RNF19A: variants seen among roughly 807,000 people sequenced by gnomAD.
RNF19A encodes ring finger protein 19A, RBR E3 ubiquitin protein ligase, also known as E3 ubiquitin-protein ligase RNF19A.
Under a neutral mutation model 75.7 loss-of-function variants are expected in RNF19A, and 32 were observed. The observed-to-expected ratio is 0.42, with a 90% CI of 0.32 to 0.57. The LOEUF is 0.57. RNF19A is among the 20% of genes least tolerant of loss of function. The pLI is 0.10. For synonymous variants in RNF19A, 335 were observed against 345.2 expected (o/e 0.97, Z 0.33); for missense variants, 782 against 1,036.3 (o/e 0.75, Z 3.37).
In RNF19A at chr8:100,290,208, G is replaced by C. The variant is rs1821224384; in HGVS notation, c.-93-1941C>G. Among the ~76,000 whole-genome samples the C allele has an allele frequency of 2.0e-5, 3 of 152,104 alleles. No homozygotes were observed. The South Asian group carries it at 6.2e-4, about 32-fold the overall frequency. On this transcript the variant is annotated intron_variant, in intron 1 of 9. Coordinates refer to ENST00000341084, the MANE Select transcript of RNF19A (RefSeq NM_183419.4). ...CGGCTCACTGCAGCCTCCATCTTTT[G>C]GGTTCAAGCAATTCTCCTGCCTCAG...
At chr8:100,268,536 A>G (rs1040103785) in intron 5 of RNF19A, 9 of 299,562 alleles carry the variant, frequency 3.0e-5, no homozygotes, top group African/African-American at 1.5e-4. Context: ...TCAAAGTTTT[A>G]TAATACAAAC....
In RNF19A at chr8:100,305,082, C is replaced by G. The variant is rs564092200; in HGVS notation, c.-94+4785G>C. On this transcript the variant is annotated intron_variant, in intron 1 of 9. Coordinates refer to ENST00000341084, the MANE Select transcript of RNF19A (RefSeq NM_183419.4). The stretch of plus-strand genomic sequence containing the variant: ...TCCCTAGTAGCTGGCATGACAGGTG[C>G]CTGCCACCAAGCCCAGCAAATTTTT... 7.9e-5 allele frequency among the ~76,000 whole-genome samples: 12 copies of G among 152,234 alleles called. 1 individual carries two copies. In the South Asian group the frequency reaches 2.5e-3, roughly 32 times the overall value.
At position 100,324,336 on chromosome 8, in the gene RNF19A, T is replaced by G. The variant is rs1822501122; in HGVS notation, c.-242-10964A>C. 6.6e-6 allele frequency among the ~76,000 whole-genome samples: 1 copy of G among 152,226 alleles called. No homozygotes were observed. The highest frequency in any genetic ancestry group is 1.5e-5 in the Non-Finnish European group (1 of 68,038). On this transcript the variant is annotated intron_variant, in intron 1 of 3. Transcript: ENST00000519527. This position sits in a 1 kb window ranked among gnomAD's most constrained non-coding sequence, Gnocchi z 4.2. Reference sequence around the variant, plus strand: ...AGTACAATCTGCAGCACAATCAAGTTCAAGAGTTTGGATGACTAAAGTTGA... The same window carrying G: ...AGTACAATCTGCAGCACAATCAAGTGCAAGAGTTTGGATGACTAAAGTTGA...
At position 100,277,463 on chromosome 8, in the gene RNF19A, T is replaced by C. The variant is rs538876755; in HGVS notation, c.675-2302A>G. On this transcript the variant is annotated intron_variant, in intron 2 of 9. Transcript: ENST00000341084. The stretch of plus-strand genomic sequence containing the variant: ...AGTAGCTGGGACTACAGGCGCCCAC[T>C]ACCACGCCCAGCTAATTTTTTTGCA... Among the ~76,000 whole-genome samples the C allele has an allele frequency of 9.2e-5, 14 of 152,136 alleles. 2 individuals are homozygous for C. In the South Asian group the frequency reaches 2.9e-3, roughly 32 times the overall value.
At chr8:100,283,135 G>A (rs960953871) in intron 2 of RNF19A, among the ~76,000 whole-genome samples, 5 of 151,860 alleles carry the variant, frequency 3.3e-5, no homozygotes, top group Non-Finnish European at 7.4e-5. Flanking sequence ...TATAATAAAT[G>A]TTCTTGTATA....
intron 3 of RNF19A, among the ~76,000 whole-genome samples, chr8:100,272,316 A>G (rs1368668195): frequency 1.3e-5 from 2 of 152,138 alleles, no homozygotes; most frequent in Non-Finnish European, 2.9e-5. Flanking sequence ...TTTTATAAAC[A>G]CAAATATTAA....
rs936699014 is a variant in RNF19A, at chr8:100,321,728, T to C, written c.-242-8356A>G. Among the ~76,000 whole-genome samples the C allele has an allele frequency of 2.0e-5, 3 of 152,360 alleles. No individual in the cohort carries two copies. In the East Asian group the frequency reaches 5.8e-4, roughly 29 times the overall value. On this transcript the variant is annotated intron_variant, in intron 1 of 3. Transcript: ENST00000519527. Reference sequence around the variant, plus strand: ...AAATAATAAGACTTGAAAGTTGAAATTACTCTTTCATCCATGGGCTGCAGA... The same window carrying C: ...AAATAATAAGACTTGAAAGTTGAAACTACTCTTTCATCCATGGGCTGCAGA...
chr8:100,274,925 T>C, intron 3 of RNF19A, 28 bp downstream of exon 3: 2 of 1,549,602 alleles, frequency 1.3e-6, no homozygotes, highest in Non-Finnish European at 1.8e-6. Context: ...TGTCAAATAT[T>C]TTATTAGAAA....
intron 1 of RNF19A, among the ~76,000 whole-genome samples, chr8:100,293,237 T>C (rs1821393493): frequency 6.6e-6 from 1 of 152,244 alleles, no homozygotes; most frequent in South Asian, 2.1e-4. Flanking sequence ...TCATCTGGTG[T>C]CATGTATCTT....
intron 1 of RNF19A, among the ~76,000 whole-genome samples, chr8:100,305,843 C>T (rs886588534): frequency 1.3e-5 from 2 of 152,144 alleles, no homozygotes; most frequent in African/African-American, 4.8e-5. Context: ...ATTTAGGATA[C>T]CTTACCATTT....
In RNF19A at chr8:100,258,597, G is replaced by A; in HGVS notation, c.2476C>T (p.Gln826Ter). 1.2e-6 allele frequency: 2 copies of A among 1,613,550 alleles called. No individual in the cohort carries two copies. Among genetic ancestry groups the A allele is most frequent in the African/African-American group, 2.7e-5 (2 of 75,022 alleles). The change falls in exon 10 of 10, where the codon CAG becomes TAG. Residue 826 changes from glutamine to a stop codon, truncating the protein, a stop_gained. Transcript: ENST00000341084. LOFTEE classifies it high-confidence loss of function. The surrounding 1 kb of genome is among the most constrained non-coding windows in gnomAD (Gnocchi z 4.3). ...ATTGCAACTTTTAATTCCATTGTCT[G>A]ATGTGAGTGGTTGTTATTTGTTTCT... The part of the protein sequence containing the change: ...LKETNNNHSH[Q>*]TMELKVAIQT...
intron 1 of RNF19A, among the ~76,000 whole-genome samples, chr8:100,289,023 G>C (rs992547761): frequency 1.4e-5 from 2 of 141,148 alleles, no homozygotes; most frequent in African/African-American, 5.5e-5. Flanking sequence ...TTGCGCCGCT[G>C]CACTCCACCC....
chr8:100,331,580 T>A lies in RNF19A; in HGVS notation c.-243+4528A>T, dbSNP rs544270352. Reference sequence around the variant, plus strand: ...TGAGCCCAGGATGTCAAAGCTGCAGTGAGTCATGACTGTGCCACTGCACTC... The same window carrying A: ...TGAGCCCAGGATGTCAAAGCTGCAGAGAGTCATGACTGTGCCACTGCACTC... On this transcript the variant is annotated intron_variant, in intron 1 of 3. Coordinates refer to the RNF19A transcript ENST00000519527. This position sits in a 1 kb window ranked among gnomAD's most constrained non-coding sequence, Gnocchi z 5.2. 1.2e-4 allele frequency among the ~76,000 whole-genome samples: 18 copies of A among 152,296 alleles called. No homozygotes were observed. The highest frequency in any genetic ancestry group is 5.2e-4 in the Admixed American group (8 of 15,300).
intron 3 of RNF19A, among the ~76,000 whole-genome samples, chr8:100,270,839 G>A (rs183681038): frequency 2.6e-5 from 4 of 152,152 alleles, no homozygotes; most frequent in Admixed American, 2.6e-4. Context: ...ATAATAATAT[G>A]GTTACAATGC....
chr8:100,313,913 A>ATTTTTTTTTTTTTTTTT (rs1822337376), upstream of RNF19A, among the ~76,000 whole-genome samples: 1 of 48,252 alleles, frequency 2.1e-5, no homozygotes. Flanking sequence ...TTTTTTTTTG[A>ATTTTTTTTTTTTTTTTT]GACAGAGTCT....
chr8:100,265,625 A>C (rs1350269324), intron 5 of RNF19A, among the ~76,000 whole-genome samples: 2 of 152,218 alleles, frequency 1.3e-5, no homozygotes, highest in East Asian at 1.9e-4. Context: ...CTCTAAAATA[A>C]AATGACTTAT....
chr8:100,260,056 G>GTA lies in RNF19A; in HGVS notation c.1683-61_1683-60dup. On this transcript the variant is annotated intron_variant, in intron 8 of 9. Transcript: ENST00000341084. The surrounding 1 kb of genome is among the most constrained non-coding windows in gnomAD (Gnocchi z 4.1). ...TTTAATATCAGCACTACTGTAATAT[G>GTA]TATCTTTAAATAATTCAGTTAAGAA... 7.0e-7 allele frequency: 1 copy of GTA among 1,428,640 alleles called. No individual in the cohort carries two copies. The highest frequency in any genetic ancestry group is 9.8e-7 in the Non-Finnish European group (1 of 1,023,502). 88.5% of individuals were successfully genotyped at this position (1,428,640 alleles called of 1,614,324 possible).
chr8:100,308,416 GA>G (rs542673265), intron 1 of RNF19A, among the ~76,000 whole-genome samples: 202 of 152,148 alleles, frequency 1.3e-3, no homozygotes, highest in African/African-American at 4.5e-3. Context: ...AAGAACATTT[GA>G]AAATACGATC....
chr8:100,284,815 T>C lies in RNF19A; in HGVS notation c.674+2686A>G, dbSNP rs772974040. On this transcript the variant is annotated intron_variant, in intron 2 of 9. Coordinates refer to ENST00000341084, the MANE Select transcript of RNF19A (RefSeq NM_183419.4). The surrounding 1 kb of genome is among the most constrained non-coding windows in gnomAD (Gnocchi z 4.3). ...AAAGAATAGTAAAATAATACTCCTG[T>C]ATCTACCACTGAAGTTAAGAAACAT... Among the ~76,000 whole-genome samples, 1 of 152,148 alleles carries C rather than the reference T, an allele frequency of 6.6e-6. No homozygotes were observed. Among genetic ancestry groups the C allele is most frequent in the Non-Finnish European group, 1.5e-5 (1 of 67,974 alleles).
Sources: gnomAD v4.1 joint callset for allele counts (sites outside exome capture counted in the v4.1 genomes callset) on GRCh38, gnomAD v4.1.1 for gene constraint, Gnocchi (gnomAD v3.1) non-coding constraint, MANE v1.5 for transcripts, NCBI Gene and HGNC (gene_info 2026-07-23, HGNC 2026-07-21) for gene names.